The following TRIM33 variants were observed in gnomAD, a reference collection of about 807,000 sequenced individuals.
The protein encoded by TRIM33 is E3 ubiquitin-protein ligase TRIM33.
Under a neutral mutation model 125.4 loss-of-function variants are expected in TRIM33, and 20 were observed. The ratio of observed to expected loss-of-function variants is 0.16; its 90% CI spans 0.11 to 0.23. TRIM33 has a LOEUF of 0.23. TRIM33 is among the 10% of genes least tolerant of loss of function. The pLI, the probability that TRIM33 is intolerant of heterozygous loss-of-function variation, is 1.00. For synonymous variants in TRIM33, 564 were observed against 513.9 expected (o/e 1.10, Z -1.32); for missense variants, 920 against 1,411.4 (o/e 0.65, Z 5.58).
intron 14 of TRIM33, among the ~76,000 whole-genome samples, chr1:114,406,084 C>T (rs1227747795): frequency 1.3e-5 from 2 of 152,180 alleles, no homozygotes; most frequent in Non-Finnish European, 2.9e-5. Context: ...CCCCTTTTCA[C>T]ACCCAGAATC....
chr1:114,498,941 T>C (rs1652543478), intron 1 of TRIM33, among the ~76,000 whole-genome samples: 1 of 152,104 alleles, frequency 6.6e-6, no homozygotes, highest in African/African-American at 2.4e-5. Flanking sequence ...AGCATATCAC[T>C]ATATTTCAAA....
intron 4 of TRIM33, among the ~76,000 whole-genome samples, chr1:114,450,372 C>A (rs1293224274): frequency 2.0e-5 from 3 of 152,194 alleles, no homozygotes; most frequent in African/African-American, 7.2e-5. Flanking sequence ...CAATCTGTCA[C>A]CCAGGCTGGA....
Position 114,424,725 on chromosome 1 carries a change from G to C in TRIM33, c.1726C>G (p.Gln576Glu). The change falls in exon 10 of 20, where the codon CAA becomes GAA. Residue 576 changes from glutamine (Q) to glutamate (E), a missense_variant. Physicochemically the swap from Gln to Glu is conservative, Grantham distance 29. This residue lies in a region of TRIM33 where 407 missense variants were observed against 589.7 expected (regional missense o/e 0.69). Transcript: ENST00000358465. ...PPRLISVQTMQRGNMNCGAFQ... is the reference protein window; with the variant it reads ...PPRLISVQTMERGNMNCGAFQ... ...GCTCCACAGTTCATGTTGCCTCTTTGCATTGTTTGCACACTGATCAATCGA... is the reference window on the plus strand; with the variant it reads ...GCTCCACAGTTCATGTTGCCTCTTTCCATTGTTTGCACACTGATCAATCGA... 1 of 1,604,406 alleles carries C rather than the reference G, an allele frequency of 6.2e-7. No homozygotes were observed.
intron 4 of TRIM33, chr1:114,460,254 A>G (rs1020922518): frequency 5.0e-6 from 1 of 200,212 alleles, no homozygotes; most frequent in Non-Finnish European, 1.1e-5. Context: ...CACTAGGTTA[A>G]AACTGGACAA....
At chr1:114,416,084 C>T (rs1390311065) in intron 11 of TRIM33, among the ~76,000 whole-genome samples, 1 of 151,812 alleles carries the variant, frequency 6.6e-6, no homozygotes, top group Admixed American at 6.6e-5. Flanking sequence ...GGTCTTAATA[C>T]ATGGTAAGTT....
At chr1:114,404,375 A>C (rs1572010732) in intron 15 of TRIM33, 1 of 149,740 alleles carries the variant, frequency 6.7e-6, no homozygotes. Context: ...CAAACTCCTG[A>C]CCTCAAGTGC....
intron 1 of TRIM33, among the ~76,000 whole-genome samples, chr1:114,482,932 G>T (rs1000419824): frequency 2.0e-5 from 3 of 152,210 alleles, no homozygotes; most frequent in African/African-American, 7.2e-5. Flanking sequence ...CTAGTCTCAG[G>T]TATGTCTTTA....
At chr1:114,461,233 TATAC>T (rs1649968551) in intron 4 of TRIM33, among the ~76,000 whole-genome samples, 1 of 146,498 alleles carries the variant, frequency 6.8e-6, no homozygotes, top group African/African-American at 2.5e-5. Flanking sequence ...TATATATATA[TATAC>T]ATATATTTAT....
At chr1:114,488,817 TG>T (rs575868442) in intron 1 of TRIM33, among the ~76,000 whole-genome samples, 6 of 151,970 alleles carry the variant, frequency 3.9e-5, no homozygotes, top group Non-Finnish European at 8.8e-5. Flanking sequence ...AAAACGATCT[TG>T]AAAAAGAACA....
In TRIM33 at chr1:114,407,078, C is replaced by T. The variant is rs1335946045; in HGVS notation, c.2281G>A (p.Ala761Thr). The T allele has an allele frequency of 1.2e-6, 2 of 1,613,530 alleles. No individual in the cohort carries two copies. Among genetic ancestry groups the T allele is most frequent in the East Asian group, 2.2e-5 (1 of 44,858 alleles). Residue 761 changes from alanine to threonine, a missense_variant, in exon 14 of 20, where the codon GCT becomes ACT. Coordinates refer to ENST00000358465, the MANE Select transcript of TRIM33 (RefSeq NM_015906.4). ...TTGAAACTAAGACTTGTCTTCTCAGCAGTTCTTCCTGATGACCCACAGCTA... is the reference window on the plus strand; with the variant it reads ...TTGAAACTAAGACTTGTCTTCTCAGTAGTTCTTCCTGATGACCCACAGCTA... ...RGSCGSSGRT[A>T]EKTSLSFKSD...
chr1:114,449,374 G>A (rs1301963973), intron 4 of TRIM33, among the ~76,000 whole-genome samples: 1 of 152,210 alleles, frequency 6.6e-6, no homozygotes, highest in African/African-American at 2.4e-5. Context: ...GGCAGAATCA[G>A]GCACATGTAG....
chr1:114,413,577 AAGAAAAGAAAAAGACTTTTTCTG>A (rs1652728267), intron 11 of TRIM33, among the ~76,000 whole-genome samples: 1 of 129,008 alleles, frequency 7.8e-6, no homozygotes. Context: ...AAAAAAAGAA[AAGAAAAGAAAAAGACTTTTTCTG>A]AAAAGAAAAA....
chr1:114,397,364 C>G lies in TRIM33; in HGVS notation c.*284G>C. 1 of 439,780 alleles carries G rather than the reference C, an allele frequency of 2.3e-6. No individual in the cohort carries two copies. Among genetic ancestry groups the G allele is most frequent in the Admixed American group, 4.0e-5 (1 of 25,296 alleles). The allele number at this position is 439,780 out of a possible 1,614,324, so 27.2% of individuals were successfully genotyped here. ...AATCATCAATATTTGCCATTTCTAACAATCAGAGAATCATCTCCATTAGAA... is the reference window on the plus strand; with the variant it reads ...AATCATCAATATTTGCCATTTCTAAGAATCAGAGAATCATCTCCATTAGAA... On this transcript the variant is annotated 3_prime_UTR_variant, in exon 20 of 20. Coordinates refer to ENST00000358465, the MANE Select transcript of TRIM33 (RefSeq NM_015906.4).
chr1:114,484,810 A>G (rs1651572909), intron 1 of TRIM33, among the ~76,000 whole-genome samples: 1 of 152,198 alleles, frequency 6.6e-6, no homozygotes, highest in South Asian at 2.1e-4. Flanking sequence ...GGTTGCAGTG[A>G]GCCCACATCG....
At chr1:114,430,272 G>T (rs1647861101) in intron 6 of TRIM33, among the ~76,000 whole-genome samples, 1 of 151,932 alleles carries the variant, frequency 6.6e-6, no homozygotes, top group Non-Finnish European at 1.5e-5. Flanking sequence ...TGGAGACAGG[G>T]TCTCACTCTG....
At chr1:114,452,583 C>T (rs1224822413) in intron 4 of TRIM33, among the ~76,000 whole-genome samples, 1 of 151,846 alleles carries the variant, frequency 6.6e-6, no homozygotes, top group African/African-American at 2.4e-5. Context: ...TAAATTATCA[C>T]AATTGCAAAG....
At chr1:114,427,394 G>A (rs1283876774) in intron 7 of TRIM33, 100 bp from the exon 8 acceptor site, 6 of 673,286 alleles carry the variant, frequency 8.9e-6, no homozygotes, top group Non-Finnish European at 1.6e-5. Context: ...TATTCCCACA[G>A]TGTCAGCCTC....
At chr1:114,419,009 A>C (rs1170695182) in intron 11 of TRIM33, among the ~76,000 whole-genome samples, 4 of 151,956 alleles carry the variant, frequency 2.6e-5, no homozygotes, top group Non-Finnish European at 4.4e-5. Context: ...GGAGTTCAAG[A>C]CCAGCCTGGT....
chr1:114,452,676 G>A (rs933340805), intron 4 of TRIM33, among the ~76,000 whole-genome samples: 2 of 148,768 alleles, frequency 1.3e-5, no homozygotes, highest in Admixed American at 1.4e-4. Flanking sequence ...CAGGAGGACT[G>A]CTTGAGGCCA....
Sources: gnomAD v4.1 joint callset for allele counts (sites outside exome capture counted in the v4.1 genomes callset) on GRCh38, gnomAD v4.1.1 for gene constraint, gnomAD v4.1.1 regional missense constraint, MANE v1.5 for transcripts, NCBI Gene and HGNC (gene_info 2026-07-23, HGNC 2026-07-21) for gene names.